Variants in NR1D2 observed in about 807,000 individuals in gnomAD.
NR1D2 encodes V-erbA-related protein 1-related.
A neutral mutation model predicts 52.2 loss-of-function variants in NR1D2; 25 were observed. That is an observed-to-expected ratio of 0.48 (90% CI 0.35 to 0.67). The LOEUF is 0.67. Ranked by LOEUF, NR1D2 falls within the 30% of genes least tolerant of loss-of-function variation. The pLI, the probability that NR1D2 is intolerant of heterozygous loss-of-function variation, is 0.01. For missense variants in NR1D2, 681 were observed against 707.2 expected (o/e 0.96, Z 0.42); for synonymous variants, 259 against 230.1 (o/e 1.13, Z -1.14).
At position 23,977,414 on chromosome 3, in the gene NR1D2, C is replaced by T. The variant is rs1038599193; in HGVS notation, c.1735C>T (p.Pro579Ser). 4.4e-6 allele frequency: 7 copies of T among 1,577,782 alleles called. No homozygotes were observed. The highest frequency in any genetic ancestry group is 1.4e-5 in the African/African-American group (1 of 72,778). ...SEELLAFKVH[P>S] is the part of the protein sequence containing the mutation. ...GGAGCTCTTGGCCTTTAAAGTTCACCCTTAAGGCCTTTGTTTATTTAAACA... is the reference window on the plus strand; with the variant it reads ...GGAGCTCTTGGCCTTTAAAGTTCACTCTTAAGGCCTTTGTTTATTTAAACA... Residue 579 changes from proline to serine, a missense_variant, in exon 8 of 8, where the codon CCT (proline) becomes TCT (serine). By Grantham distance (74) the Pro-to-Ser change is moderately conservative (BLOSUM62 -1). Transcript: ENST00000312521.
chr3:23,945,877 G>T (rs1469013723), intron 1 of NR1D2, among the ~76,000 whole-genome samples: 2 of 150,688 alleles, frequency 1.3e-5, no homozygotes, highest in East Asian at 4.0e-4. Flanking sequence ...CTGTGTTTAC[G>T]TTCGGCGGCG....
chr3:23,958,642 TAAAAA>T (rs35959367), intron 3 of NR1D2, among the ~76,000 whole-genome samples: 5 of 98,098 alleles, frequency 5.1e-5, no homozygotes, highest in African/African-American at 1.2e-4. Flanking sequence ...CCTGTCTCTT[TAAAAA>T]AAAAAAAAAA....
intron 1 of NR1D2, among the ~76,000 whole-genome samples, chr3:23,945,938 G>T (rs1705674723): frequency 6.6e-6 from 1 of 151,096 alleles, no homozygotes; most frequent in South Asian, 2.1e-4. Context: ...TACATAATGG[G>T]CGCTGAGGCG....
In NR1D2 at chr3:23,978,668, G is replaced by C. The variant is rs76656162; in HGVS notation, c.*1249G>C. ...TATTCTTTCTGAAGAACTAATTAAT[G>C]TTTAAAGCAACTGTTTAATATGATG... is the stretch of plus-strand genomic sequence containing the variant. On this transcript the variant is annotated 3_prime_UTR_variant, in exon 8 of 8. Transcript: ENST00000312521. 1.3e-5 allele frequency: 2 copies of C among 152,026 alleles called. No individual in the cohort carries two copies. The highest frequency in any genetic ancestry group is 4.8e-5 in the African/African-American group (2 of 41,400). 9.4% of individuals were successfully genotyped at this position (152,026 alleles called of 1,614,324 possible). A position where few individuals can be genotyped will look rare whatever the true frequency, so the allele number is the denominator to read the frequency against.
intron 1 of NR1D2, among the ~76,000 whole-genome samples, chr3:23,945,938 G>A (rs1705674723): frequency 6.6e-6 from 1 of 151,096 alleles, no homozygotes; most frequent in South Asian, 2.1e-4. Flanking sequence ...TACATAATGG[G>A]CGCTGAGGCG....
At chr3:23,946,903 T>A (rs767619483) in intron 1 of NR1D2, among the ~76,000 whole-genome samples, 2 of 152,230 alleles carry the variant, frequency 1.3e-5, no homozygotes, top group African/African-American at 4.8e-5. Context: ...GCTTTTGTTT[T>A]ATTTTTTGAG....
At chr3:23,947,385 T>G (rs772433900) in intron 1 of NR1D2, among the ~76,000 whole-genome samples, 3 of 152,222 alleles carry the variant, frequency 2.0e-5, no homozygotes, top group Non-Finnish European at 4.4e-5. Flanking sequence ...GTTCTTCCAT[T>G]TACAGTTCTC....
At chr3:23,952,192 A>G (rs539107405) in intron 1 of NR1D2, among the ~76,000 whole-genome samples, 7 of 152,346 alleles carry the variant, frequency 4.6e-5, no homozygotes, top group African/African-American at 1.7e-4. Context: ...GTTAGGGACC[A>G]TGTTGCAGGA....
chr3:23,959,933 G>A (rs922039748), intron 4 of NR1D2, 118 bp downstream of exon 4: 2 of 892,716 alleles, frequency 2.2e-6, no homozygotes, highest in African/African-American at 3.4e-5. Flanking sequence ...AGGTGAAGCA[G>A]AAAACATATT....
chr3:23,957,426 GAAGT>G (rs1395502149), intron 3 of NR1D2, among the ~76,000 whole-genome samples: 3 of 116,362 alleles, frequency 2.6e-5, no homozygotes, highest in Non-Finnish European at 4.9e-5. Flanking sequence ...ACAAAAATGT[GAAGT>G]AATAGGCCAG....
intron 1 of NR1D2, among the ~76,000 whole-genome samples, chr3:23,951,414 A>G (rs1406325178): frequency 6.6e-6 from 1 of 152,226 alleles, no homozygotes; most frequent in African/African-American, 2.4e-5. Context: ...CTTCCTTTGG[A>G]ATTTCATTGA....
At chr3:23,964,220 G>A (rs1706377004) in intron 5 of NR1D2, among the ~76,000 whole-genome samples, 1 of 152,076 alleles carries the variant, frequency 6.6e-6, no homozygotes, top group Non-Finnish European at 1.5e-5. Context: ...TGGGACTACA[G>A]GCGCAAGCCA....
At chr3:23,948,912 A>G (rs183924142) in intron 1 of NR1D2, among the ~76,000 whole-genome samples, 1 of 152,320 alleles carries the variant, frequency 6.6e-6, no homozygotes, top group East Asian at 1.9e-4. Flanking sequence ...TGATATATGT[A>G]GGTTATAGCT....
rs79008923 is a variant in NR1D2, at chr3:23,952,855, G to C, written c.17-1682G>C. ...AGTTGTGGTTGTGCTTTCCTCCTCA[G>C]AGGGTTTGTTTCTTAGCCTCAATAT... On this transcript the variant is annotated intron_variant, in intron 1 of 7. Transcript: ENST00000312521. Among the ~76,000 whole-genome samples, 632 of 152,214 alleles carry C rather than the reference G, an allele frequency of 4.2e-3. 5 individuals carry two copies. Among genetic ancestry groups the C allele is most frequent in the African/African-American group, 0.014 (594 of 41,522 alleles).
In NR1D2 at chr3:23,949,324, C is replaced by A. The variant is rs972568097; in HGVS notation, c.16+3730C>A. The stretch of plus-strand genomic sequence containing the variant: ...AGGTGGCAGTGAGTCGAGATCACAC[C>A]ATTGCACTCCATCCTGGGTGACAGA... On this transcript the variant is annotated intron_variant, in intron 1 of 7. Coordinates refer to ENST00000312521, the MANE Select transcript of NR1D2 (RefSeq NM_005126.5). Among the ~76,000 whole-genome samples, 4 of 151,756 alleles carry A rather than the reference C, an allele frequency of 2.6e-5. No homozygotes were observed. The South Asian group carries it at 6.2e-4, about 24-fold the overall frequency.
intron 3 of NR1D2, among the ~76,000 whole-genome samples, chr3:23,959,451 G>A (rs1706179429): frequency 6.6e-6 from 1 of 151,958 alleles, no homozygotes; most frequent in South Asian, 2.1e-4. Context: ...TGTTTGGTTA[G>A]TAGGTGTTAG....
intron 7 of NR1D2, among the ~76,000 whole-genome samples, chr3:23,973,891 A>G: frequency 6.6e-6 from 1 of 151,990 alleles, no homozygotes; most frequent in East Asian, 1.9e-4. Context: ...AGACACATAC[A>G]TTAGCTTAGG....
intron 1 of NR1D2, among the ~76,000 whole-genome samples, chr3:23,948,635 C>T (rs141513127): frequency 5.3e-5 from 8 of 152,262 alleles, no homozygotes; most frequent in African/African-American, 1.4e-4. Flanking sequence ...ATGTGTTCCT[C>T]ATGTTAATTC....
intron 1 of NR1D2, among the ~76,000 whole-genome samples, chr3:23,949,996 T>TC (rs1705881781): frequency 1.3e-5 from 2 of 152,202 alleles, no homozygotes; most frequent in African/African-American, 4.8e-5. Context: ...CTGGCCCAGG[T>TC]CCAGGGTCCC....
Sources: allele counts gnomAD v4.1 joint callset (sites outside exome capture counted in the v4.1 genomes callset), GRCh38; gene constraint gnomAD v4.1.1; transcripts MANE v1.5; gene names NCBI Gene and HGNC (gene_info 2026-07-23, HGNC 2026-07-21).